DOCK1: variants seen among roughly 807,000 people sequenced by gnomAD.
DOCK1 encodes the protein dedicator of cytokinesis 1.
A neutral mutation model predicts 262.7 loss-of-function variants in DOCK1; 138 were observed. That is an observed-to-expected ratio of 0.53 (90% CI 0.46 to 0.61). The LOEUF (loss-of-function observed/expected upper bound fraction) is 0.61, where lower values mean the gene tolerates loss of function less well. Ranked by LOEUF, DOCK1 falls within the 20% of genes least tolerant of loss-of-function variation. The probability of loss-of-function intolerance (pLI) is 0.00; values close to 1 mark genes in which losing one functional copy is unlikely to be tolerated. For missense variants in DOCK1, 1,908 were observed against 2,370.7 expected (o/e 0.80, Z 4.05); for synonymous variants, 866 against 867.4 (o/e 1.00, Z 0.03).
At chr10:127,153,855 T>C in intron 27 of DOCK1, 1 of 1,609,926 alleles carries the variant, frequency 6.2e-7, no homozygotes. Context: ...AACATACCTA[T>C]AGATAATACA....
intron 47 of DOCK1, among the ~76,000 whole-genome samples, chr10:127,427,933 G>T (rs1413582628): frequency 6.6e-6 from 1 of 152,256 alleles, no homozygotes; most frequent in Non-Finnish European, 1.5e-5. Flanking sequence ...TGAAAACTCA[G>T]CAGGTGGGAG....
Position 126,977,802 on chromosome 10 carries a change from C to T in DOCK1, c.131-146C>T, listed in dbSNP as rs1009592575. 1.4e-5 allele frequency: 11 copies of T among 784,036 alleles called. No individual in the cohort carries two copies. In the African/African-American group the frequency reaches 1.5e-4, roughly 11 times the overall value. 48.6% of individuals were successfully genotyped at this position (784,036 alleles called of 1,614,324 possible). A position where few individuals can be genotyped will look rare whatever the true frequency, so the allele number is the denominator to read the frequency against. On this transcript the variant is annotated intron_variant, in intron 2 of 51. Transcript: ENST00000623213. ...CTCTGGGAAACCACGTAGTATATCT[C>T]CAAAGCCTTAGGTTCACTGAAAAAT...
At chr10:127,062,543 CCTGTGGCTGAGCTAAGGGG>C (rs1356659415) in intron 23 of DOCK1, among the ~76,000 whole-genome samples, 1 of 152,160 alleles carries the variant, frequency 6.6e-6, no homozygotes, top group Non-Finnish European at 1.5e-5. Context: ...TGAAGGGCTT[CCTGTGGCTGAGCTAAGGGG>C]CTGTGGGCCC....
At chr10:127,246,957 A>G (rs1035685434) in intron 27 of DOCK1, among the ~76,000 whole-genome samples, 1 of 152,222 alleles carries the variant, frequency 6.6e-6, no homozygotes, top group African/African-American at 2.4e-5. Flanking sequence ...GAAAAAATAT[A>G]TATCCTGTGT....
intron 1 of DOCK1, among the ~76,000 whole-genome samples, chr10:126,916,711 T>C (rs1236001727): frequency 1.3e-5 from 2 of 150,762 alleles, no homozygotes; most frequent in Non-Finnish European, 3.0e-5. Context: ...CCCTCCTTCC[T>C]TCTACCCCTC....
At chr10:127,210,518 C>T (rs575159766) in intron 27 of DOCK1, among the ~76,000 whole-genome samples, 4 of 152,212 alleles carry the variant, frequency 2.6e-5, no homozygotes, top group Admixed American at 6.5e-5. Context: ...AGGAAATGCA[C>T]GTCTACCAGG....
At chr10:127,007,080 C>T (rs535889391) in intron 10 of DOCK1, among the ~76,000 whole-genome samples, 1 of 152,280 alleles carries the variant, frequency 6.6e-6, no homozygotes, top group East Asian at 1.9e-4. Context: ...AGGTGAGGGC[C>T]CGTGTCCAGA....
At chr10:127,448,089 C>T (rs2070705074) in intron 51 of DOCK1, among the ~76,000 whole-genome samples, 1 of 152,150 alleles carries the variant, frequency 6.6e-6, no homozygotes, top group Non-Finnish European at 1.5e-5. Context: ...CAGAGGACAG[C>T]CAGGTTTGGC....
chr10:127,033,284 C>T (rs541723911), intron 18 of DOCK1, among the ~76,000 whole-genome samples: 8 of 152,176 alleles, frequency 5.3e-5, no homozygotes, highest in Non-Finnish European at 1.2e-4. Flanking sequence ...AAAGCTCAGC[C>T]CTAATGTGGC....
At position 126,912,276 on chromosome 10, in the gene DOCK1, A is replaced by C. The variant is rs544011342; in HGVS notation, c.46+6713A>C. Among the ~76,000 whole-genome samples the C allele has an allele frequency of 8.3e-4, 127 of 152,130 alleles. 1 individual carries two copies. The Middle Eastern group carries it at 0.014, about 16-fold the overall frequency. On this transcript the variant is annotated intron_variant, in intron 1 of 51. Transcript: ENST00000623213. Reference sequence around the variant, plus strand: ...AAACCCCATCTCTAGTAAAAATACAAAAAATTAACCTGGTATGGTGGCGGG... The same window carrying C: ...AAACCCCATCTCTAGTAAAAATACACAAAATTAACCTGGTATGGTGGCGGG...
chr10:127,158,067 T>G (rs533772103), intron 27 of DOCK1, among the ~76,000 whole-genome samples: 1 of 152,324 alleles, frequency 6.6e-6, no homozygotes, highest in East Asian at 1.9e-4. Context: ...AGGGTTTGGC[T>G]TCACTGATAA....
intron 49 of DOCK1, among the ~76,000 whole-genome samples, chr10:127,439,558 G>A (rs1457846318): frequency 2.6e-5 from 4 of 152,196 alleles, no homozygotes; most frequent in Non-Finnish European, 5.9e-5. Context: ...GAGTCCTTTT[G>A]TTGTCAGGAA....
rs926802049 is a variant in DOCK1 at position 127,415,179 on chromosome 10, A to G, written c.4456A>G (p.Thr1486Ala). ...TATGTGGATCGAGAGAACCATATAT[A>G]CAACTGCATATAAATTACCTGGAAT... ...ANMWIERTIY[T>A]TAYKLPGILR... The change falls in exon 44 of 52, where the codon ACA becomes GCA. Residue 1486 changes from threonine to alanine, a missense_variant. Thr to Ala is a moderately conservative substitution (Grantham distance 58). This residue lies in a region of DOCK1 where 267 missense variants were observed against 366.3 expected (regional missense o/e 0.73). Coordinates refer to ENST00000623213, the MANE Select transcript of DOCK1 (RefSeq NM_001290223.2). 5.6e-6 allele frequency: 9 copies of G among 1,613,378 alleles called. No homozygotes were observed. The African/African-American group carries it at 8.0e-5, about 14-fold the overall frequency.
At chr10:127,354,458 T>G (rs922936234) in intron 31 of DOCK1, among the ~76,000 whole-genome samples, 3 of 152,192 alleles carry the variant, frequency 2.0e-5, no homozygotes, top group Non-Finnish European at 2.9e-5. Flanking sequence ...GGGAAGATGT[T>G]GTGTAACCCT....
chr10:126,983,047 A>C (rs2039093881), intron 4 of DOCK1, among the ~76,000 whole-genome samples: 1 of 152,238 alleles, frequency 6.6e-6, no homozygotes, highest in Non-Finnish European at 1.5e-5. Flanking sequence ...CAATAAGTAG[A>C]GTCACACCTA....
At chr10:126,909,493 G>A (rs918563270) in intron 1 of DOCK1, among the ~76,000 whole-genome samples, 3 of 152,182 alleles carry the variant, frequency 2.0e-5, no homozygotes, top group Non-Finnish European at 2.9e-5. Context: ...TGGGAGAGAA[G>A]CTTGCAGGGT....
chr10:127,107,177 TTTTTG>T (rs1178625138), intron 24 of DOCK1, among the ~76,000 whole-genome samples: 1 of 152,096 alleles, frequency 6.6e-6, no homozygotes, highest in Non-Finnish European at 1.5e-5. Context: ...CCTCAACTAC[TTTTTG>T]TTTTGGTTTT....
At chr10:126,926,053 T>C (rs897707914) in intron 1 of DOCK1, among the ~76,000 whole-genome samples, 1 of 152,012 alleles carries the variant, frequency 6.6e-6, no homozygotes, top group Non-Finnish European at 1.5e-5. Flanking sequence ...TTTGCACATC[T>C]GTAGGGTGGG....
intron 29 of DOCK1, among the ~76,000 whole-genome samples, chr10:127,335,984 G>A (rs561997677): frequency 2.0e-5 from 3 of 152,074 alleles, no homozygotes; most frequent in Admixed American, 6.6e-5. Flanking sequence ...CCAAAGTGCT[G>A]GGATTACAGG....
Sources: gnomAD v4.1 joint callset for allele counts (sites outside exome capture counted in the v4.1 genomes callset) on GRCh38, gnomAD v4.1.1 for gene constraint, gnomAD v4.1.1 regional missense constraint, MANE v1.5 for transcripts, NCBI Gene and HGNC (gene_info 2026-07-23, HGNC 2026-07-21) for gene names.